Variants in ACSS1 observed in about 807,000 individuals in gnomAD.
ACSS1 encodes the protein acetyl-coenzyme A synthetase 2-like, mitochondrial.
A neutral mutation model predicts 75.3 loss-of-function variants in ACSS1; 42 were observed. That is an observed-to-expected ratio of 0.56 (90% CI 0.44 to 0.72). The LOEUF (loss-of-function observed/expected upper bound fraction) is 0.72, where lower values mean the gene tolerates loss of function less well. Ranked by LOEUF, ACSS1 falls within the 30% of genes least tolerant of loss-of-function variation. The pLI, the probability that ACSS1 is intolerant of heterozygous loss-of-function variation, is 0.00. For synonymous variants in ACSS1, 380 were observed against 376.8 expected, an observed-to-expected ratio of 1.01 and a Z score of -0.10; for missense variants, 782 against 935.7, an observed-to-expected ratio of 0.84 and a Z score of 2.14.
At position 25,007,526 on chromosome 20, in the gene ACSS1, G is replaced by A. The variant is rs140670170; in HGVS notation, c.*236C>T. The A allele has an allele frequency of 7.5e-7, 1 of 1,332,946 alleles. No individual in the cohort carries two copies. The highest frequency in any genetic ancestry group is 2.9e-5 in the East Asian group (1 of 34,100). 82.6% of individuals were successfully genotyped at this position (1,332,946 alleles called of 1,614,324 possible). ...TCATTCCAGGAAACCAAACTCAGAT[G>A]GCAGAACCAGCCCTAGCCATGTCGC... On this transcript the variant is annotated 3_prime_UTR_variant, in exon 14 of 14. Coordinates refer to ENST00000323482, the MANE Select transcript of ACSS1 (RefSeq NM_032501.4).
chr20:25,032,300 C>G, intron 2 of ACSS1: 1 of 1,259,770 alleles, frequency 7.9e-7, no homozygotes, highest in Non-Finnish European at 1.0e-6. Flanking sequence ...GTGACCCAAC[C>G]TGGTCCAGTC....
chr20:25,007,370 G>C lies in ACSS1; in HGVS notation c.*392C>G, dbSNP rs2088326119. On this transcript the variant is annotated 3_prime_UTR_variant, in exon 14 of 14. Coordinates refer to ENST00000323482, the MANE Select transcript of ACSS1 (RefSeq NM_032501.4). Reference sequence around the variant, plus strand: ...ATAAGATTTCTGACCTTTGTATCTAGACAGATCTGGAGAAAACACGGTTGC... The same window carrying C: ...ATAAGATTTCTGACCTTTGTATCTACACAGATCTGGAGAAAACACGGTTGC... 9.1e-7 allele frequency: 1 copy of C among 1,095,306 alleles called. No homozygotes were observed. The highest frequency in any genetic ancestry group is 1.1e-6 in the Non-Finnish European group (1 of 899,060). The allele number at this position is 1,095,306 out of a possible 1,614,324, so 67.8% of individuals were successfully genotyped here. A position where few individuals can be genotyped will look rare whatever the true frequency, so the allele number is the denominator to read the frequency against.
intron 2 of ACSS1, 61 bp downstream of exon 2, chr20:25,048,022 ACT>A: frequency 8.1e-6 from 12 of 1,477,898 alleles, no homozygotes; most frequent in Admixed American, 1.8e-5. Flanking sequence ...TGACAGCCAG[ACT>A]CAGCACACAG....
At chr20:25,007,998 C>T (rs554538062) in intron 13 of ACSS1, 57 bp from the exon 14 acceptor site, 36 of 1,575,390 alleles carry the variant, frequency 2.3e-5, no homozygotes, top group African/African-American at 4.0e-5. Flanking sequence ...TCTGTGCTAG[C>T]GTGGACTGCA....
At chr20:25,013,184 G>A (rs762443199) in intron 10 of ACSS1, among the ~76,000 whole-genome samples, 2 of 152,136 alleles carry the variant, frequency 1.3e-5, no homozygotes, top group African/African-American at 4.8e-5. Flanking sequence ...ACTGAGTCTT[G>A]TTTACGACAA....
At chr20:25,051,516 G>A (rs1226679599) in intron 1 of ACSS1, among the ~76,000 whole-genome samples, 2 of 152,190 alleles carry the variant, frequency 1.3e-5, no homozygotes, top group Admixed American at 1.3e-4. Flanking sequence ...CCCAGAGGAC[G>A]TGTTAGCTGC....
chr20:25,024,927 A>G (rs1417859429), intron 3 of ACSS1, among the ~76,000 whole-genome samples: 1 of 152,144 alleles, frequency 6.6e-6, no homozygotes, highest in Non-Finnish European at 1.5e-5. Context: ...CCGTGGCTAC[A>G]CACACTCTTT....
chr20:25,039,047 C>T (rs1165700040), intron 2 of ACSS1, among the ~76,000 whole-genome samples: 1 of 152,208 alleles, frequency 6.6e-6, no homozygotes, highest in Non-Finnish European at 1.5e-5. Context: ...AGCCCCATCC[C>T]ATGGAACAAG....
At chr20:25,051,919 G>T (rs1013878700) in intron 1 of ACSS1, among the ~76,000 whole-genome samples, 10 of 152,216 alleles carry the variant, frequency 6.6e-5, no homozygotes, top group African/African-American at 2.4e-4. Flanking sequence ...CCATTGGGTT[G>T]TTTCTGGCTG....
At chr20:25,038,321 C>T (rs946462272) in intron 2 of ACSS1, among the ~76,000 whole-genome samples, 1 of 152,158 alleles carries the variant, frequency 6.6e-6, no homozygotes. Flanking sequence ...CAACACAGCC[C>T]CCCACACCAC....
At chr20:25,014,362 T>C (rs1311363527) in intron 8 of ACSS1, among the ~76,000 whole-genome samples, 2 of 152,358 alleles carry the variant, frequency 1.3e-5, no homozygotes, top group Non-Finnish European at 2.9e-5. Flanking sequence ...GCCCACCCAC[T>C]TGCACATGAA....
At position 25,046,664 on chromosome 20, in the gene ACSS1, T is replaced by C. The variant is rs2089095604; in HGVS notation, c.431+1421A>G. The C allele has an allele frequency of 1.6e-5, 10 of 633,228 alleles. No homozygotes were observed. The East Asian group carries it at 2.7e-4, about 17-fold the overall frequency. 39.2% of individuals were successfully genotyped at this position (633,228 alleles called of 1,614,324 possible). ...TACTCCAGGGGCAGCAGCCTCAAGT[T>C]CCTTCTCAGAAGGGGCTTTGTTCGC... is the stretch of plus-strand genomic sequence containing the variant. On this transcript the variant is annotated intron_variant, in intron 2 of 13. Coordinates refer to ENST00000323482, the MANE Select transcript of ACSS1 (RefSeq NM_032501.4).
Position 25,007,151 on chromosome 20 carries a change from A to G in ACSS1, c.*611T>C, listed in dbSNP as rs6132784. The G allele has an allele frequency of 0.16, 216,982 of 1,320,066 alleles. 18,624 individuals carry two copies. Among genetic ancestry groups the G allele is most frequent in the Middle Eastern group, 0.19 (690 of 3,548 alleles). 81.8% of individuals were successfully genotyped at this position (1,320,066 alleles called of 1,614,324 possible). Reference sequence around the variant, plus strand: ...AAGGGAACTGTTTAGACAGAGGTACAAACATCTCCAATTCAGACTTCCAAA... The same window carrying G: ...AAGGGAACTGTTTAGACAGAGGTACGAACATCTCCAATTCAGACTTCCAAA... On this transcript the variant is annotated 3_prime_UTR_variant, in exon 14 of 14. Coordinates refer to ENST00000323482, the MANE Select transcript of ACSS1 (RefSeq NM_032501.4).
chr20:25,019,375 C>T (rs2088576233), intron 7 of ACSS1, among the ~76,000 whole-genome samples: 1 of 152,212 alleles, frequency 6.6e-6, no homozygotes, highest in South Asian at 2.1e-4. Flanking sequence ...TCAACATTAC[C>T]AATAGGCCTA....
At chr20:25,011,469 T>C (rs930569387) in intron 12 of ACSS1, 1 of 152,210 alleles carries the variant, frequency 6.6e-6, no homozygotes, top group African/African-American at 2.4e-5. Context: ...AGCCCAGAGA[T>C]GTGAAATGCA....
chr20:25,034,088 T>C (rs1485818476), intron 2 of ACSS1, among the ~76,000 whole-genome samples: 1 of 152,190 alleles, frequency 6.6e-6, no homozygotes, highest in Non-Finnish European at 1.5e-5. Context: ...CTATTTTCTC[T>C]GCCAAGGTCA....
chr20:25,029,588 C>T (rs1468992698), intron 3 of ACSS1, among the ~76,000 whole-genome samples: 3 of 152,014 alleles, frequency 2.0e-5, no homozygotes, highest in African/African-American at 4.8e-5. Flanking sequence ...TCACAATAGC[C>T]AAAAAATGGA....
intron 12 of ACSS1, chr20:25,012,176 A>C: frequency 3.9e-6 from 1 of 256,746 alleles, no homozygotes; most frequent in South Asian, 5.0e-5. Flanking sequence ...TCCAGAGCAC[A>C]CTCTGGCACA....
At position 25,023,081 on chromosome 20, in the gene ACSS1, C is replaced by A; in HGVS notation, c.819G>T (p.Lys273Asn). The A allele has an allele frequency of 6.2e-7, 1 of 1,611,998 alleles. No homozygotes were observed. The highest frequency in any genetic ancestry group is 8.5e-7 in the Non-Finnish European group (1 of 1,178,908). Residue 273 changes from lysine (K) to asparagine (N), a missense_variant, in exon 5 of 14, where the codon AAG becomes AAT. Transcript: ENST00000323482. ...TCTCTGGGGCGCAAACAGGGTCCTC[C>A]TTGGCCATTTCCTGGCAGGGAGAAG... ...LDVPLEQEMA[K>N]EDPVCAPESM...
Sources: allele counts gnomAD v4.1 joint callset (sites outside exome capture counted in the v4.1 genomes callset), GRCh38; gene constraint gnomAD v4.1.1; transcripts MANE v1.5; gene names NCBI Gene and HGNC (gene_info 2026-07-23, HGNC 2026-07-21).